TRDN: variants seen among roughly 807,000 people sequenced by gnomAD.
TRDN encodes triadin.
In TRDN, 161 loss-of-function variants were observed where a neutral mutation model predicts 149.7. That is an observed-to-expected ratio of 1.08 (90% CI 0.95 to 1.23). TRDN has a LOEUF of 1.23. Ranked by LOEUF, TRDN falls within the 50% of genes most tolerant of loss-of-function variation. TRDN has a pLI of 0.00. For synonymous variants in TRDN, 294 were observed against 250.5 expected, an observed-to-expected ratio of 1.17 and a Z score of -1.64; for missense variants, 896 against 823.5, an observed-to-expected ratio of 1.09 and a Z score of -1.08.
chr6:123,365,455 T>A lies in TRDN; in HGVS notation c.1321+680A>T, dbSNP rs190381440. On this transcript the variant is annotated intron_variant, in intron 20 of 40. Transcript: ENST00000334268. Reference sequence around the variant, plus strand: ...GAATATGTGTCATATATATTTTCTATCTACCTACAATCCTGTTATATGTTT... The same window carrying A: ...GAATATGTGTCATATATATTTTCTAACTACCTACAATCCTGTTATATGTTT... Among the ~76,000 whole-genome samples, 357 of 152,308 alleles carry A rather than the reference T, an allele frequency of 2.3e-3. 1 individual carries two copies. Among genetic ancestry groups the A allele is most frequent in the African/African-American group, 7.9e-3 (328 of 41,576 alleles).
chr6:123,242,037 C>T (rs1246627270), intron 38 of TRDN, among the ~76,000 whole-genome samples: 5 of 152,112 alleles, frequency 3.3e-5, no homozygotes, highest in Non-Finnish European at 7.4e-5. Context: ...CTATGCACAC[C>T]TATAAAATCT....
chr6:123,514,235 C>T (rs557548773), intron 6 of TRDN, among the ~76,000 whole-genome samples: 17 of 152,042 alleles, frequency 1.1e-4, no homozygotes, highest in Admixed American at 1.1e-3. Flanking sequence ...TGTGGTGGCA[C>T]ATGTCTGTAG....
At chr6:123,391,895 TATTA>T (rs1772489848) in intron 13 of TRDN, among the ~76,000 whole-genome samples, 1 of 152,096 alleles carries the variant, frequency 6.6e-6, no homozygotes, top group African/African-American at 2.4e-5. Flanking sequence ...TACTTGCAAA[TATTA>T]ATTATTTATA....
At chr6:123,326,244 A>T (rs753477325) in intron 23 of TRDN, among the ~76,000 whole-genome samples, 12 of 152,048 alleles carry the variant, frequency 7.9e-5, no homozygotes, top group Non-Finnish European at 1.8e-4. Context: ...TCCAACCCAA[A>T]TATTTTTTCT....
Position 123,314,347 on chromosome 6 carries a change from C to T in TRDN, c.1510+2110G>A, listed in dbSNP as rs535403083. ...AGCTATTATTAAAGTCTAAAAGTAA[C>T]AGATACCGATGAGGTTGTGGAGAAA... On this transcript the variant is annotated intron_variant, in intron 24 of 40. Transcript: ENST00000334268. Among the ~76,000 whole-genome samples, 12 of 152,040 alleles carry T rather than the reference C, an allele frequency of 7.9e-5. No individual in the cohort carries two copies. In the East Asian group the frequency reaches 1.4e-3, roughly 17 times the overall value.
Position 123,382,150 on chromosome 6 carries a change from GA to G in TRDN, c.1136-4del. ...AGGTTTTTTTGTTTTCTTGGAATCT[GA>G]AAACACAAAGATAAATTATTAATAA... On this transcript the variant is annotated splice_polypyrimidine_tract_variant and splice_region_variant and intron_variant, in intron 14 of 40. Transcript: ENST00000334268. 2.0e-6 allele frequency: 3 copies of G among 1,497,692 alleles called. No homozygotes were observed. The highest frequency in any genetic ancestry group is 2.7e-6 in the Non-Finnish European group (3 of 1,121,518). The allele number at this position is 1,497,692 out of a possible 1,614,324, so 92.8% of individuals were successfully genotyped here.
intron 24 of TRDN, among the ~76,000 whole-genome samples, chr6:123,299,140 G>A (rs937810944): frequency 1.3e-5 from 2 of 151,846 alleles, no homozygotes. Context: ...CCTTTAGGTG[G>A]GTCTTAGGGA....
At chr6:123,439,817 T>C (rs933075434) in intron 10 of TRDN, 10 of 152,238 alleles carry the variant, frequency 6.6e-5, no homozygotes, top group Non-Finnish European at 1.5e-4. Context: ...CCTGTACTAA[T>C]ACATAGTTGT....
chr6:123,328,701 C>T (rs1748097971), intron 23 of TRDN, among the ~76,000 whole-genome samples: 1 of 152,144 alleles, frequency 6.6e-6, no homozygotes, highest in Admixed American at 6.6e-5. Context: ...CCTGGGTCTG[C>T]ACTTTCCTAT....
intron 24 of TRDN, among the ~76,000 whole-genome samples, chr6:123,293,045 C>T (rs1778068498): frequency 6.6e-6 from 1 of 152,110 alleles, no homozygotes. Flanking sequence ...TGGGTGGGAA[C>T]ATAACTCTAT....
At chr6:123,408,499 GA>G (rs1204988950) in intron 12 of TRDN, among the ~76,000 whole-genome samples, 5 of 151,988 alleles carry the variant, frequency 3.3e-5, no homozygotes, top group African/African-American at 1.2e-4. Context: ...TCAACATGGA[GA>G]AACCCTGTCT....
chr6:123,501,991 A>G, intron 8 of TRDN: 2 of 985,148 alleles, frequency 2.0e-6, no homozygotes, highest in Non-Finnish European at 2.4e-6. Flanking sequence ...ATTAACATCA[A>G]AAAATACATT....
At chr6:123,339,568 A>G (rs1261937406) in intron 21 of TRDN, among the ~76,000 whole-genome samples, 2 of 152,232 alleles carry the variant, frequency 1.3e-5, no homozygotes, top group East Asian at 1.9e-4. Flanking sequence ...AAAGCAACCT[A>G]CAGTATTCCT....
intron 11 of TRDN, among the ~76,000 whole-genome samples, chr6:123,438,525 A>AT (rs763600528): frequency 2.3e-4 from 35 of 152,304 alleles, no homozygotes; most frequent in Middle Eastern, 3.4e-3. Flanking sequence ...CAGATAAATT[A>AT]TTTGAAAACA....
intron 12 of TRDN, among the ~76,000 whole-genome samples, chr6:123,424,746 C>T (rs1343832691): frequency 3.3e-5 from 5 of 152,066 alleles, no homozygotes; most frequent in South Asian, 2.1e-4. Context: ...CAGGTGTTAT[C>T]GTCGCCCTTC....
intron 1 of TRDN, among the ~76,000 whole-genome samples, chr6:123,633,039 A>T (rs1037153190): frequency 6.6e-6 from 1 of 152,094 alleles, no homozygotes; most frequent in Non-Finnish European, 1.5e-5. Context: ...AAAGAATTCC[A>T]CACATAGTGC....
At chr6:123,398,998 T>C (rs1772847829) in intron 12 of TRDN, among the ~76,000 whole-genome samples, 1 of 152,230 alleles carries the variant, frequency 6.6e-6, no homozygotes, top group Admixed American at 6.5e-5. Flanking sequence ...TGTTTTGGAA[T>C]CTAAGTAGCT....
In TRDN at chr6:123,438,134, A is replaced by G. The variant is rs1184620677; in HGVS notation, c.992-12T>C. 3 of 1,572,180 alleles carry G rather than the reference A, an allele frequency of 1.9e-6. No homozygotes were observed. The African/African-American group carries it at 4.1e-5, about 21-fold the overall frequency. ...GATATCTTCTTTTTCTGCTGGTAAA[A>G]TAAGAAAGTTATAAGCCTTTACCTG... On this transcript the variant is annotated splice_polypyrimidine_tract_variant and intron_variant, in intron 11 of 40. Transcript: ENST00000334268.
At chr6:123,502,931 G>C in intron 8 of TRDN, 2 of 985,214 alleles carry the variant, frequency 2.0e-6, no homozygotes, top group Non-Finnish European at 2.4e-6. Context: ...CATTCAATAA[G>C]GGCCAGAGAT....
Sources: gnomAD v4.1 joint callset for allele counts (sites outside exome capture counted in the v4.1 genomes callset) on GRCh38, gnomAD v4.1.1 for gene constraint, MANE v1.5 for transcripts, NCBI Gene and HGNC (gene_info 2026-07-23, HGNC 2026-07-21) for gene names.